The following PSD3 variants were observed in gnomAD, a reference collection of about 807,000 sequenced individuals.
The protein encoded by PSD3 is PH and SEC7 domain-containing protein 3.
Under a neutral mutation model 105.5 loss-of-function variants are expected in PSD3, and 49 were observed. That is an observed-to-expected ratio of 0.46 (90% CI 0.37 to 0.59). The LOEUF (loss-of-function observed/expected upper bound fraction) is 0.59. Among genes scored for constraint, PSD3 ranks in the 20% least tolerant of loss-of-function variants. The pLI is 0.00. For synonymous variants in PSD3, 557 were observed against 457.8 expected, an observed-to-expected ratio of 1.22 and a Z score of -2.77; for missense variants, 1,561 against 1,263.8, an observed-to-expected ratio of 1.24 and a Z score of -3.57.
At chr8:18,977,216 C>T (rs1253470009) in intron 1 of PSD3, among the ~76,000 whole-genome samples, 4 of 144,244 alleles carry the variant, frequency 2.8e-5, no homozygotes, top group Non-Finnish European at 6.0e-5. Flanking sequence ...GCTGAGACTG[C>T]ACCACTGCAC....
intron 9 of PSD3, among the ~76,000 whole-genome samples, chr8:18,703,743 G>T (rs1382617459): frequency 6.6e-6 from 1 of 152,154 alleles, no homozygotes; most frequent in East Asian, 1.9e-4. Flanking sequence ...AAAATAACAT[G>T]AATATGTTGC....
intron 2 of PSD3, among the ~76,000 whole-genome samples, chr8:18,914,752 G>GA (rs1299394786): frequency 6.6e-6 from 1 of 152,160 alleles, no homozygotes. Context: ...TTCAAGGATT[G>GA]AAAGAATTGT....
intron 1 of PSD3, among the ~76,000 whole-genome samples, chr8:18,938,358 A>G (rs1822294054): frequency 6.6e-6 from 1 of 151,700 alleles, no homozygotes; most frequent in African/African-American, 2.4e-5. Flanking sequence ...ACAGTGGCTC[A>G]TGCCTTTAAT....
chr8:18,705,534 C>CAAAAAAAAAAAAAAAAAAAAAAAAAAAA (rs34331384), intron 9 of PSD3, among the ~76,000 whole-genome samples: 1 of 88,446 alleles, frequency 1.1e-5, no homozygotes. Context: ...CTGTCTCAAG[C>CAAAAAAAAAAAAAAAAAAAAAAAAAAAA]AAAAAAAAAA....
intron 4 of PSD3, among the ~76,000 whole-genome samples, chr8:18,813,658 T>C (rs1811913242): frequency 6.6e-6 from 1 of 152,176 alleles, no homozygotes; most frequent in Non-Finnish European, 1.5e-5. Flanking sequence ...CCAAAAGCAA[T>C]TATCTGCTGG....
chr8:18,589,759 GC>G (rs1803459406), intron 12 of PSD3, among the ~76,000 whole-genome samples: 1 of 152,120 alleles, frequency 6.6e-6, no homozygotes, highest in African/African-American at 2.4e-5. Context: ...GGAGGCGAGG[GC>G]TTCTAAGCAG....
intron 15 of PSD3, among the ~76,000 whole-genome samples, chr8:18,545,568 A>G (rs1177799704): frequency 6.6e-6 from 1 of 152,236 alleles, no homozygotes; most frequent in Non-Finnish European, 1.5e-5. Flanking sequence ...AGGTACTGCT[A>G]TCTGGGTAAG....
rs1232043162 is a variant in PSD3 at position 18,534,116 on chromosome 8, C to T, written c.*1627G>A. 1.3e-5 allele frequency: 2 copies of T among 152,206 alleles called. No individual in the cohort carries two copies. The highest frequency in any genetic ancestry group is 2.9e-5 in the Non-Finnish European group (2 of 68,032). The allele number at this position is 152,206 out of a possible 1,614,324, so 9.4% of individuals were successfully genotyped here. A position where few individuals can be genotyped will look rare whatever the true frequency, so the allele number is the denominator to read the frequency against. On this transcript the variant is annotated 3_prime_UTR_variant, in exon 16 of 16. Transcript: ENST00000327040. ...CCACTTAGACACTACCATGGCTTTA[C>T]AGCAGGTTTTCTCTAATTCACTGGA... is the stretch of plus-strand genomic sequence containing the variant.
Position 18,923,480 on chromosome 8 carries a change from A to T in PSD3, c.130+12554T>A, listed in dbSNP as rs969550045. 2.0e-5 allele frequency among the ~76,000 whole-genome samples: 3 copies of T among 152,240 alleles called. No homozygotes were observed. In the South Asian group the frequency reaches 6.2e-4, roughly 31 times the overall value. ...CCACATAATGACATCTGGCTCACCA[A>T]TGACCACATATAGGACGCTGATCCA... On this transcript the variant is annotated intron_variant, in intron 2 of 15. Coordinates refer to ENST00000327040, the MANE Select transcript of PSD3 (RefSeq NM_015310.4).
chr8:18,615,289 A>G (rs1181354668), intron 11 of PSD3, among the ~76,000 whole-genome samples: 1 of 152,076 alleles, frequency 6.6e-6, no homozygotes, highest in African/African-American at 2.4e-5. Context: ...GACTCCTGCC[A>G]AAGCACTCAC....
intron 2 of PSD3, among the ~76,000 whole-genome samples, chr8:18,930,242 C>T (rs140612826): frequency 9.9e-5 from 15 of 152,214 alleles, no homozygotes; most frequent in African/African-American, 3.6e-4. Context: ...GCCAATTACC[C>T]ACAGGTGAGA....
intron 9 of PSD3, among the ~76,000 whole-genome samples, chr8:18,686,359 A>G (rs1424847276): frequency 6.6e-6 from 1 of 152,232 alleles, no homozygotes; most frequent in Admixed American, 6.5e-5. Context: ...TCTCGCATGA[A>G]GTATACCAGG....
intron 9 of PSD3, among the ~76,000 whole-genome samples, chr8:18,701,245 C>T (rs1300333653): frequency 1.3e-5 from 2 of 151,632 alleles, no homozygotes; most frequent in African/African-American, 4.8e-5. Flanking sequence ...TCTGAGATTA[C>T]AGGTGCAAGT....
intron 1 of PSD3, among the ~76,000 whole-genome samples, chr8:18,959,107 G>A (rs985704113): frequency 2.6e-5 from 4 of 152,024 alleles, no homozygotes; most frequent in Non-Finnish European, 5.9e-5. Flanking sequence ...TTTTAGTAGA[G>A]ACGGCATTTC....
At chr8:18,920,176 G>A (rs902088434) in intron 2 of PSD3, among the ~76,000 whole-genome samples, 23 of 151,864 alleles carry the variant, frequency 1.5e-4, no homozygotes, top group Non-Finnish European at 2.5e-4. Flanking sequence ...AGGAACCATC[G>A]CTTTAAAACA....
intron 9 of PSD3, among the ~76,000 whole-genome samples, chr8:18,688,438 G>A (rs937093915): frequency 1.3e-5 from 2 of 152,098 alleles, no homozygotes; most frequent in African/African-American, 2.4e-5. Context: ...TCAAAATCCT[G>A]TTACATTATC....
intron 8 of PSD3, among the ~76,000 whole-genome samples, chr8:18,784,687 G>C (rs1429531222): frequency 6.6e-6 from 1 of 152,152 alleles, no homozygotes; most frequent in Non-Finnish European, 1.5e-5. Context: ...ATATTGCAAA[G>C]GATATAGATA....
chr8:18,953,065 C>T (rs116347879), intron 1 of PSD3, among the ~76,000 whole-genome samples: 3 of 152,106 alleles, frequency 2.0e-5, no homozygotes, highest in Admixed American at 6.5e-5. Flanking sequence ...AAGATAAAAA[C>T]AGACCATTTA....
chr8:18,549,326 C>T (rs910750298), intron 15 of PSD3, among the ~76,000 whole-genome samples: 2 of 152,034 alleles, frequency 1.3e-5, no homozygotes, highest in Non-Finnish European at 2.9e-5. Flanking sequence ...GGATTACAGG[C>T]ATGTGCCACA....
Sources: allele counts gnomAD v4.1 joint callset (sites outside exome capture counted in the v4.1 genomes callset), GRCh38; gene constraint gnomAD v4.1.1; transcripts MANE v1.5; gene names NCBI Gene and HGNC (gene_info 2026-07-23, HGNC 2026-07-21).